The following ADGRA1 variants were observed in gnomAD, a reference collection of about 807,000 sequenced individuals.
ADGRA1 encodes adhesion G protein-coupled receptor A1.
In ADGRA1, 12 loss-of-function variants were observed where a neutral mutation model predicts 21.3. The ratio of observed to expected loss-of-function variants is 0.56; its 90% CI spans 0.36 to 0.91. The LOEUF (loss-of-function observed/expected upper bound fraction) is 0.91, where lower values mean the gene tolerates loss of function less well. ADGRA1 is among the 40% of genes least tolerant of loss of function. The probability of loss-of-function intolerance (pLI) is 0.01; values close to 1 mark genes in which losing one functional copy is unlikely to be tolerated. For synonymous variants in ADGRA1, 385 were observed against 368.8 expected (o/e 1.04, Z -0.50); for missense variants, 790 against 805.6 (o/e 0.98, Z 0.23).
chr10:133,095,637 C>T, intron 2 of ADGRA1: 1 of 1,588,620 alleles, frequency 6.3e-7, no homozygotes, highest in Non-Finnish European at 8.5e-7. Flanking sequence ...TCAGCCAGTC[C>T]CTTGGCTCCC....
intron 2 of ADGRA1, among the ~76,000 whole-genome samples, chr10:133,090,763 A>C (rs1014891597): frequency 1.3e-5 from 2 of 152,122 alleles, no homozygotes; most frequent in African/African-American, 4.8e-5. Context: ...TGAGCTCCCA[A>C]GTGTAAGGGC....
rs1370038306 is a variant in ADGRA1, at chr10:133,129,762, C to G, written c.*251C>G. 2.8e-5 allele frequency: 14 copies of G among 501,404 alleles called. No individual in the cohort carries two copies. The highest frequency in any genetic ancestry group is 4.3e-5 in the Non-Finnish European group (12 of 278,206). The allele number at this position is 501,404 out of a possible 1,614,324, so 31.1% of individuals were successfully genotyped here. On this transcript the variant is annotated 3_prime_UTR_variant, in exon 7 of 7. Coordinates refer to ENST00000392607, the MANE Select transcript of ADGRA1 (RefSeq NM_001083909.3). ...GGAAACGCTCCGGGCCACGCCCACT[C>G]CCCTTATCCCAATTCCGCGTGCTGG...
At chr10:133,100,428 G>T (rs1200747185) in intron 4 of ADGRA1, among the ~76,000 whole-genome samples, 3 of 152,220 alleles carry the variant, frequency 2.0e-5, no homozygotes, top group Non-Finnish European at 1.5e-5. Context: ...CGCGGGTGAG[G>T]CCCCCCGAGG....
intron 2 of ADGRA1, among the ~76,000 whole-genome samples, chr10:133,089,543 G>A (rs1197274511): frequency 1.3e-5 from 2 of 152,210 alleles, no homozygotes; most frequent in South Asian, 4.1e-4. Flanking sequence ...TCTGGGTTCC[G>A]GAAGGGCTGA....
chr10:133,122,084 G>A (rs1375093426), intron 5 of ADGRA1, among the ~76,000 whole-genome samples: 2 of 152,228 alleles, frequency 1.3e-5, no homozygotes, highest in Non-Finnish European at 2.9e-5. Flanking sequence ...GCAAGCATAC[G>A]TGTGTGCACG....
At chr10:133,107,525 T>C (rs1448501039) in intron 5 of ADGRA1, among the ~76,000 whole-genome samples, 1 of 152,220 alleles carries the variant, frequency 6.6e-6, no homozygotes, top group East Asian at 1.9e-4. Context: ...TATTACTTCC[T>C]TTCTTCTGTT....
Position 133,128,573 on chromosome 10 carries a change from G to C in ADGRA1, c.745G>C (p.Glu249Gln). 6.3e-7 allele frequency: 1 copy of C among 1,579,446 alleles called. No homozygotes were observed. Among genetic ancestry groups the C allele is most frequent in the South Asian group, 1.1e-5 (1 of 87,606 alleles). ...CCCCGGCGCCTCCGTGCTGCAGAAC[G>C]AGCACTCATTCCAGGCACAGCTGCG... Reference protein sequence around the residue: ...DAPGASVLQNEHSFQAQLRAA... With the variant: ...DAPGASVLQNQHSFQAQLRAA... Residue 249 changes from glutamate to glutamine, a missense_variant, in exon 7 of 7, where the codon GAG (glutamate) becomes CAG (glutamine). Physicochemically the swap from Glu to Gln is conservative, Grantham distance 29. Transcript: ENST00000392607.
intron 5 of ADGRA1, among the ~76,000 whole-genome samples, chr10:133,118,046 G>A (rs11814538): frequency 0.18 from 26,950 of 152,204 alleles, 3,145 homozygotes; most frequent in East Asian, 0.57. Context: ...TGAGCCCTGC[G>A]GGGAGCTGGA....
At chr10:133,092,140 G>A (rs1851605407) in intron 2 of ADGRA1, among the ~76,000 whole-genome samples, 1 of 152,264 alleles carries the variant, frequency 6.6e-6, no homozygotes, top group Admixed American at 6.5e-5. Context: ...TTCAGGAGGT[G>A]GGAGGGGCCC....
intron 2 of ADGRA1, among the ~76,000 whole-genome samples, chr10:133,091,807 G>A (rs111708326): frequency 4.3e-4 from 65 of 152,296 alleles, no homozygotes; most frequent in Admixed American, 1.7e-3. Context: ...GAGTGCCTTC[G>A]AAACCTCCAA....
chr10:133,111,170 C>CG (rs1851987437), intron 5 of ADGRA1, among the ~76,000 whole-genome samples: 1 of 148,286 alleles, frequency 6.7e-6, no homozygotes, highest in Admixed American at 6.7e-5. Flanking sequence ...GACCACCTGC[C>CG]CGCCGTGAGC....
intron 5 of ADGRA1, among the ~76,000 whole-genome samples, chr10:133,117,817 A>G (rs1852186698): frequency 6.6e-6 from 1 of 152,194 alleles, no homozygotes; most frequent in African/African-American, 2.4e-5. Flanking sequence ...TCATTCTGGG[A>G]TCCTGGGAGG....
At chr10:133,113,694 C>T (rs1357356563) in intron 5 of ADGRA1, among the ~76,000 whole-genome samples, 1 of 147,180 alleles carries the variant, frequency 6.8e-6, no homozygotes, top group East Asian at 2.1e-4. Flanking sequence ...GGCGAGCAAG[C>T]GACCTGGCGC....
chr10:133,114,482 C>G (rs1852119002), intron 5 of ADGRA1, among the ~76,000 whole-genome samples: 2 of 152,144 alleles, frequency 1.3e-5, no homozygotes, highest in Non-Finnish European at 2.9e-5. Context: ...CAGCTGGTGC[C>G]CAGGACAGTG....
At chr10:133,114,310 T>C (rs1244712858) in intron 5 of ADGRA1, among the ~76,000 whole-genome samples, 2 of 152,140 alleles carry the variant, frequency 1.3e-5, no homozygotes, top group Admixed American at 6.5e-5. Context: ...CCCTGGAACA[T>C]AGGTGCTCTT....
chr10:133,092,127 G>A (rs1187257545), intron 2 of ADGRA1, among the ~76,000 whole-genome samples: 3 of 152,250 alleles, frequency 2.0e-5, no homozygotes, highest in African/African-American at 7.2e-5. Flanking sequence ...CCAGGAATGG[G>A]CATTCAGGAG....
chr10:133,115,560 C>CA (rs1227711466), intron 5 of ADGRA1, among the ~76,000 whole-genome samples: 1 of 152,202 alleles, frequency 6.6e-6, no homozygotes, highest in Non-Finnish European at 1.5e-5. Flanking sequence ...GAAGGGCGCG[C>CA]AGTGCTAGCC....
chr10:133,101,651 G>A (rs1851797254), intron 4 of ADGRA1, among the ~76,000 whole-genome samples: 1 of 152,200 alleles, frequency 6.6e-6, no homozygotes, highest in Admixed American at 6.5e-5. Context: ...CGGGCTGTGG[G>A]GGCTGCCTCT....
chr10:133,093,127 A>C, intron 2 of ADGRA1: 1 of 1,594,372 alleles, frequency 6.3e-7, no homozygotes, highest in Non-Finnish European at 8.5e-7. Flanking sequence ...GCAGGAAAGA[A>C]GGTTCCTCAG....
Sources: allele counts gnomAD v4.1 joint callset (sites outside exome capture counted in the v4.1 genomes callset), GRCh38; gene constraint gnomAD v4.1.1; transcripts MANE v1.5; gene names NCBI Gene and HGNC (gene_info 2026-07-23, HGNC 2026-07-21).